The following ZNF33A variants were observed in gnomAD, a reference collection of about 807,000 sequenced individuals.
ZNF33A encodes brain my041 protein.
Under a neutral mutation model 15.9 loss-of-function variants are expected in ZNF33A, and 9 were observed. That is an observed-to-expected ratio of 0.57 (90% CI 0.34 to 0.99). The LOEUF (loss-of-function observed/expected upper bound fraction) is 0.99, where lower values mean the gene tolerates loss of function less well. Ranked by LOEUF, ZNF33A falls within the 50% of genes least tolerant of loss-of-function variation. The pLI, the probability that ZNF33A is intolerant of heterozygous loss-of-function variation, is 0.02. For missense variants in ZNF33A, 843 were observed against 941.6 expected (o/e 0.90, Z 1.37); for synonymous variants, 294 against 324.2 (o/e 0.91, Z 1.00).
At chr10:38,038,310 TG>T (rs1343615293) in intron 4 of ZNF33A, among the ~76,000 whole-genome samples, 1 of 151,986 alleles carries the variant, frequency 6.6e-6, no homozygotes, top group Non-Finnish European at 1.5e-5. Flanking sequence ...CCATGTTGGC[TG>T]GGCTGGTCTC....
intron 4 of ZNF33A, among the ~76,000 whole-genome samples, chr10:38,028,261 C>G (rs1464480016): frequency 6.6e-6 from 1 of 151,832 alleles, no homozygotes. Flanking sequence ...GAGCAAGATC[C>G]TGTCTAAAAT....
At chr10:38,012,010 G>A (rs1222863936) in intron 1 of ZNF33A, among the ~76,000 whole-genome samples, 1 of 152,068 alleles carries the variant, frequency 6.6e-6, no homozygotes, top group Non-Finnish European at 1.5e-5. Context: ...AACACCGAGG[G>A]AGATTGAAAT....
intron 4 of ZNF33A, among the ~76,000 whole-genome samples, chr10:38,034,864 A>C (rs1467041033): frequency 6.6e-6 from 1 of 152,208 alleles, no homozygotes; most frequent in African/African-American, 2.4e-5. Flanking sequence ...TGCTTGCAGC[A>C]GTAGGGCGTG....
chr10:38,046,210 G>A (rs1209912124), intron 4 of ZNF33A, among the ~76,000 whole-genome samples: 2 of 152,132 alleles, frequency 1.3e-5, no homozygotes, highest in Admixed American at 1.3e-4. Flanking sequence ...CACAGAGAGA[G>A]GTCTGGAGAT....
chr10:38,050,769 G>C (rs556775751), intron 4 of ZNF33A, among the ~76,000 whole-genome samples: 1 of 152,290 alleles, frequency 6.6e-6, no homozygotes, highest in East Asian at 1.9e-4. Context: ...ACATTCTTAG[G>C]AAATACTAAT....
intron 4 of ZNF33A, among the ~76,000 whole-genome samples, chr10:38,040,447 G>A (rs563187298): frequency 6.6e-6 from 1 of 152,114 alleles, no homozygotes; most frequent in South Asian, 2.1e-4. Context: ...TTTTAATTCT[G>A]TCAGTTTTTG....
At position 38,054,894 on chromosome 10, in the gene ZNF33A, G is replaced by T. The variant is rs139401055; in HGVS notation, c.770G>T (p.Cys257Phe). 8.1e-6 allele frequency: 13 copies of T among 1,613,672 alleles called. No individual in the cohort carries two copies. In the Admixed American group the frequency reaches 1.2e-4, roughly 14 times the overall value. Residue 257 changes from cysteine (C) to phenylalanine (F), a missense_variant, in exon 5 of 5, where the codon TGT (cysteine) becomes TTT (phenylalanine). Physicochemically the swap from Cys to Phe is radical, Grantham distance 205 (BLOSUM62 -2). Coordinates refer to ENST00000432900, the MANE Select transcript of ZNF33A (RefSeq NM_006954.2). ...CDYNEFGRTL[C>F]DSSSLLFHQI... ...TATAATGAATTTGGGAGAACTTTGT[G>T]TGATAGTTCATCCCTCTTGTTCCAT... is the stretch of plus-strand genomic sequence containing the variant.
chr10:38,055,815 A>G lies in ZNF33A; in HGVS notation c.1691A>G (p.His564Arg), dbSNP rs184882986. The change falls in exon 5 of 5, where the codon CAT becomes CGT. Residue 564 changes from histidine to arginine, a missense_variant. Transcript: ENST00000432900. ...CCCGAATGTGGGAAATTCTTTAGCC[A>G]TAAGTCAACCCTCTCTCAACATTAT... The part of the protein sequence containing the change: ...ACPECGKFFS[H>R]KSTLSQHYRT... 11 of 1,613,488 alleles carry G rather than the reference A, an allele frequency of 6.8e-6. No homozygotes were observed. The highest frequency in any genetic ancestry group is 4.5e-5 in the East Asian group (2 of 44,834).
Position 38,054,483 on chromosome 10 carries a change from A to T in ZNF33A, c.359A>T (p.Asp120Val), listed in dbSNP as rs749758634. Residue 120 changes from aspartate (D) to valine (V), a missense_variant, in exon 5 of 5, where the codon GAT becomes GTT. Transcript: ENST00000432900. Reference sequence around the variant, plus strand: ...GAAATGCTGACTAAGGAACAAGGTGATGTAATAGGAATACCATTTAATGTG... The same window carrying T: ...GAAATGCTGACTAAGGAACAAGGTGTTGTAATAGGAATACCATTTAATGTG... ...NNEMLTKEQG[D>V]VIGIPFNVDV... 1 of 1,612,202 alleles carries T rather than the reference A, an allele frequency of 6.2e-7. No individual in the cohort carries two copies. Among genetic ancestry groups the T allele is most frequent in the African/African-American group, 1.3e-5 (1 of 74,856 alleles).
intron 4 of ZNF33A, among the ~76,000 whole-genome samples, chr10:38,027,525 C>CT (rs760444504): frequency 0.014 from 2,022 of 142,636 alleles, 40 homozygotes; most frequent in African/African-American, 0.042. Flanking sequence ...GCCCAGCTAT[C>CT]TTTTTTTTTT....
At chr10:38,010,594 G>A (rs1341910015), upstream of ZNF33A, 19 of 1,018,080 alleles carry the variant, frequency 1.9e-5, no homozygotes, top group Admixed American at 3.4e-5. Flanking sequence ...TCACGGGAAA[G>A]GTAGTTTCCA....
intron 4 of ZNF33A, among the ~76,000 whole-genome samples, chr10:38,046,356 T>A (rs183249706): frequency 1.3e-5 from 2 of 152,304 alleles, no homozygotes; most frequent in East Asian, 3.9e-4. Context: ...AAAGGACTGA[T>A]CCTGCCAGCC....
chr10:38,044,472 A>C lies in ZNF33A; in HGVS notation c.251-9903A>C, dbSNP rs2065867007. 2.0e-5 allele frequency among the ~76,000 whole-genome samples: 3 copies of C among 152,086 alleles called. No individual in the cohort carries two copies. The South Asian group carries it at 6.2e-4, about 32-fold the overall frequency. ...TGATTCACCTGCCTTGGCCTCCCAA[A>C]GTGCTGGGATTTCAGGCATGAGCCA... On this transcript the variant is annotated intron_variant, in intron 4 of 4. Transcript: ENST00000432900.
chr10:38,011,040 A>T (rs961873965), intron 1 of ZNF33A, among the ~76,000 whole-genome samples: 2 of 152,084 alleles, frequency 1.3e-5, no homozygotes, highest in Non-Finnish European at 2.9e-5. Context: ...GCGCTTGCGC[A>T]GTCCGCGCGC....
intron 2 of ZNF33A, chr10:38,016,020 T>G: frequency 1.6e-6 from 2 of 1,231,482 alleles, no homozygotes; most frequent in Non-Finnish European, 2.0e-6. Flanking sequence ...TCCAATTGGA[T>G]GTCTTCTCCG....
intron 2 of ZNF33A, among the ~76,000 whole-genome samples, chr10:38,013,747 A>ATGAATCTTATTTCTACATGT (rs2064309949): frequency 6.6e-6 from 1 of 152,034 alleles, no homozygotes; most frequent in Non-Finnish European, 1.5e-5. Flanking sequence ...TTAATTTTTA[A>ATGAATCTTATTTCTACATGT]TGAATCTTAT....
At chr10:38,030,501 G>T (rs964673312) in intron 4 of ZNF33A, among the ~76,000 whole-genome samples, 3 of 152,044 alleles carry the variant, frequency 2.0e-5, no homozygotes, top group Non-Finnish European at 4.4e-5. Context: ...TATTTGTTCT[G>T]GTCCACCCCA....
intron 4 of ZNF33A, among the ~76,000 whole-genome samples, chr10:38,025,723 A>G (rs2064956144): frequency 6.6e-6 from 1 of 152,262 alleles, no homozygotes; most frequent in African/African-American, 2.4e-5. Context: ...AAAATGCAAA[A>G]GAAATTCAGC....
At position 38,055,274 on chromosome 10, in the gene ZNF33A, C is replaced by T; in HGVS notation, c.1150C>T (p.Pro384Ser). The T allele has an allele frequency of 1.2e-6, 2 of 1,614,116 alleles. No homozygotes were observed. The highest frequency in any genetic ancestry group is 1.7e-6 in the Non-Finnish European group (2 of 1,179,996). The change falls in exon 5 of 5, where the codon CCT (proline) becomes TCT (serine). Residue 384 changes from proline to serine, a missense_variant. Coordinates refer to ENST00000432900, the MANE Select transcript of ZNF33A (RefSeq NM_006954.2). ...KHQRSHTGEK[P>S]FECNECGKAF... ...TCAAAGATCACACACAGGGGAGAAA[C>T]CTTTTGAATGCAATGAATGTGGGAA...
Sources: gnomAD v4.1 joint callset for allele counts (sites outside exome capture counted in the v4.1 genomes callset) on GRCh38, gnomAD v4.1.1 for gene constraint, MANE v1.5 for transcripts, NCBI Gene and HGNC (gene_info 2026-07-23, HGNC 2026-07-21) for gene names.